AGL: variants seen among roughly 807,000 people sequenced by gnomAD.
AGL encodes glycogen debranching enzyme.
In AGL, 128 loss-of-function variants were observed where a neutral mutation model predicts 199.3. That is an observed-to-expected ratio of 0.64 (90% CI 0.56 to 0.74). The LOEUF (loss-of-function observed/expected upper bound fraction) is 0.74, where lower values mean the gene tolerates loss of function less well. Among genes scored for constraint, AGL ranks in the 30% least tolerant of loss-of-function variants. The pLI is 0.00. For missense variants in AGL, 1,809 were observed against 1,820.8 expected (o/e 0.99, Z 0.12); for synonymous variants, 584 against 594.7 (o/e 0.98, Z 0.26).
At chr1:99,857,594 G>A (rs1306484654) in intron 2 of AGL, among the ~76,000 whole-genome samples, 4 of 151,712 alleles carry the variant, frequency 2.6e-5, no homozygotes, top group African/African-American at 4.8e-5. Context: ...TGGATCACTC[G>A]CGGTTAGGAG....
At chr1:99,887,757 C>T (rs1404893339) in intron 20 of AGL, among the ~76,000 whole-genome samples, 1 of 152,096 alleles carries the variant, frequency 6.6e-6, no homozygotes, top group African/African-American at 2.4e-5. Flanking sequence ...TGATTATTTG[C>T]TTGGTTTGGG....
At chr1:99,850,945 T>C in intron 1 of AGL, 30 bp from the exon 2 acceptor site, 1 of 1,006,102 alleles carries the variant, frequency 9.9e-7, no homozygotes, top group Non-Finnish European at 1.6e-6. Context: ...ATAGTTATTT[T>C]CGATATTTTA....
intron 20 of AGL, among the ~76,000 whole-genome samples, chr1:99,885,313 C>T (rs1189920599): frequency 6.6e-6 from 1 of 152,112 alleles, no homozygotes; most frequent in Non-Finnish European, 1.5e-5. Context: ...TCTCAGTCTC[C>T]CATCTGGAAA....
At chr1:99,909,064 G>A (rs1243383529) in intron 27 of AGL, among the ~76,000 whole-genome samples, 1 of 152,078 alleles carries the variant, frequency 6.6e-6, no homozygotes, top group Non-Finnish European at 1.5e-5. Flanking sequence ...GAAATCTCTA[G>A]TTGGGAGTGT....
At chr1:99,857,705 G>C (rs1035062015) in intron 2 of AGL, among the ~76,000 whole-genome samples, 9 of 142,626 alleles carry the variant, frequency 6.3e-5, no homozygotes, top group South Asian at 2.3e-4. Flanking sequence ...GCAGGCACTC[G>C]GCAGGCTGAG....
intron 24 of AGL, among the ~76,000 whole-genome samples, 199 bp from the exon 25 acceptor site, chr1:99,896,087 A>G (rs1210395813): frequency 2.0e-5 from 3 of 152,238 alleles, no homozygotes; most frequent in Admixed American, 6.5e-5. Context: ...GAATCTGACA[A>G]GATAATGGAA....
intron 11 of AGL, 151 bp from the exon 12 acceptor site, chr1:99,877,490 A>G (rs958635605): frequency 6.1e-6 from 4 of 661,064 alleles, no homozygotes; most frequent in African/African-American, 1.8e-5. Flanking sequence ...TAATTTTTTA[A>G]AACATTATCT....
In AGL at chr1:99,884,259, C is replaced by T; in HGVS notation, c.2433+15C>T. 1 of 1,612,340 alleles carries T rather than the reference C, an allele frequency of 6.2e-7. No homozygotes were observed. Among genetic ancestry groups the T allele is most frequent in the Non-Finnish European group, 8.5e-7 (1 of 1,178,920 alleles). On this transcript the variant is annotated intron_variant, in intron 18 of 33. Coordinates refer to ENST00000361915, the MANE Select transcript of AGL (RefSeq NM_000642.3). ...AACATATTCAGGTATTTGGGACTCTCATCTTACTACTGTGTTTAGCATTTT... is the reference window on the plus strand; with the variant it reads ...AACATATTCAGGTATTTGGGACTCTTATCTTACTACTGTGTTTAGCATTTT...
At position 99,861,561 on chromosome 1, in the gene AGL, T is replaced by C. The variant is rs1650039603; in HGVS notation, c.141T>C (p.Tyr47=). The C allele has an allele frequency of 6.2e-7, 1 of 1,614,026 alleles. No individual in the cohort carries two copies. Among genetic ancestry groups the C allele is most frequent in the Middle Eastern group, 1.7e-4 (1 of 6,058 alleles). Residue 47 remains tyrosine, a synonymous_variant, in exon 3 of 34, where the codon TAT becomes TAC. Coordinates refer to ENST00000361915, the MANE Select transcript of AGL (RefSeq NM_000642.3). Reference sequence around the variant, plus strand: ...TACAGGGAAAAGCAGTTACCGTGTATACAAATTACCCATTTCCTGGAGAAA... The same window carrying C: ...TACAGGGAAAAGCAGTTACCGTGTACACAAATTACCCATTTCCTGGAGAAA... ...PTLQGKAVTV[Y]TNYPFPGETF...
chr1:99,912,571 C>T (rs1157282416), intron 29 of AGL, 54 bp downstream of exon 29: 3 of 1,239,916 alleles, frequency 2.4e-6, no homozygotes, highest in African/African-American at 3.0e-5. Flanking sequence ...TGTATATTCT[C>T]AACCTATGTA....
chr1:99,910,974 C>G, intron 28 of AGL, 127 bp downstream of exon 28: 1 of 899,048 alleles, frequency 1.1e-6, no homozygotes. Flanking sequence ...CTGCCTTCTT[C>G]CCTTCATCTC....
At chr1:99,872,478 T>C (rs1651101439) in intron 7 of AGL, among the ~76,000 whole-genome samples, 1 of 152,214 alleles carries the variant, frequency 6.6e-6, no homozygotes. Context: ...TAGATATCAT[T>C]AACCTTTATC....
chr1:99,899,699 C>T (rs1653657035), intron 25 of AGL, among the ~76,000 whole-genome samples: 1 of 151,994 alleles, frequency 6.6e-6, no homozygotes, highest in South Asian at 2.1e-4. Context: ...CCGCTCACTG[C>T]AAGCTCCGCC....
chr1:99,851,051 C>CAGT lies in AGL; in HGVS notation c.11_13dup (p.Ser4dup). The CAGT allele has an allele frequency of 6.2e-7, 1 of 1,613,820 alleles. No homozygotes were observed. On this transcript the variant is annotated inframe_insertion, in exon 2 of 34. Coordinates refer to ENST00000361915, the MANE Select transcript of AGL (RefSeq NM_000642.3). Reference sequence around the variant, plus strand: ...ATCCTCTAGAAGCCAAAATGGGACACAGTAAACAGATTCGAATTTTACTTC... The same window carrying CAGT: ...ATCCTCTAGAAGCCAAAATGGGACACAGTAGTAAACAGATTCGAATTTTACTTC...
chr1:99,916,392 A>AT lies in AGL; in HGVS notation c.4260-15dup, dbSNP rs757025800. 6.4e-7 allele frequency: 1 copy of AT among 1,568,352 alleles called. No homozygotes were observed. Among genetic ancestry groups the AT allele is most frequent in the Non-Finnish European group, 8.8e-7 (1 of 1,142,826 alleles). On this transcript the variant is annotated splice_polypyrimidine_tract_variant and intron_variant, in intron 31 of 33. Coordinates refer to ENST00000361915, the MANE Select transcript of AGL (RefSeq NM_000642.3). ...TCTGATCATCTTTTATTTAACTTAAATTTCAATCATTTTGCAGTGATATGG... is the reference window on the plus strand; with the variant it reads ...TCTGATCATCTTTTATTTAACTTAAATTTTCAATCATTTTGCAGTGATATGG...
At position 99,902,747 on chromosome 1, in the gene AGL, G is replaced by A. The variant is rs772774189; in HGVS notation, c.3653G>A (p.Arg1218Gln). 31 of 1,613,526 alleles carry A rather than the reference G, an allele frequency of 1.9e-5. No homozygotes were observed. Among genetic ancestry groups the A allele is most frequent in the South Asian group, 1.1e-4 (10 of 91,062 alleles). Residue 1218 changes from arginine to glutamine, a missense_variant, in exon 27 of 34, where the codon CGA becomes CAA. Physicochemically the swap from Arg to Gln is conservative, Grantham distance 43. Coordinates refer to ENST00000361915, the MANE Select transcript of AGL (RefSeq NM_000642.3). Reference protein sequence around the residue: ...MQKHMQGIQFRERNAGPQIDR... With the variant: ...MQKHMQGIQFQERNAGPQIDR... Reference sequence around the variant, plus strand: ...AAACACATGCAGGGCATACAGTTCCGAGAAAGGAATGCTGGTCCCCAGATA... The same window carrying A: ...AAACACATGCAGGGCATACAGTTCCAAGAAAGGAATGCTGGTCCCCAGATA...
intron 5 of AGL, among the ~76,000 whole-genome samples, chr1:99,868,966 A>G (rs1650763523): frequency 6.6e-6 from 1 of 151,566 alleles, no homozygotes; most frequent in African/African-American, 2.4e-5. Flanking sequence ...CTGGGACTTT[A>G]GGCACATGCC....
intron 24 of AGL, 36 bp from the exon 25 acceptor site, chr1:99,896,250 G>T (rs755756813): frequency 2.6e-6 from 4 of 1,510,654 alleles, no homozygotes; most frequent in South Asian, 2.2e-5. Flanking sequence ...GTATTATTAT[G>T]ATTAACATAT....
chr1:99,891,161 G>C, intron 21 of AGL, 59 bp from the exon 22 acceptor site: 1 of 1,606,274 alleles, frequency 6.2e-7, no homozygotes, highest in Non-Finnish European at 8.5e-7. Context: ...GGGACTAGAG[G>C]ATATAGGAAC....
Sources: gnomAD v4.1 joint callset for allele counts (sites outside exome capture counted in the v4.1 genomes callset) on GRCh38, gnomAD v4.1.1 for gene constraint, MANE v1.5 for transcripts, NCBI Gene and HGNC (gene_info 2026-07-23, HGNC 2026-07-21) for gene names.